The following FSTL4 variants were observed in gnomAD, a reference collection of about 807,000 sequenced individuals.
FSTL4 encodes follistatin-related protein 4.
In FSTL4, 28 loss-of-function variants were observed where a neutral mutation model predicts 78.2. The observed-to-expected ratio is 0.36, with a 90% CI of 0.27 to 0.49. The LOEUF (loss-of-function observed/expected upper bound fraction) is 0.49, where lower values mean the gene tolerates loss of function less well. FSTL4 is among the 20% of genes least tolerant of loss of function. FSTL4 has a pLI of 0.98. For missense variants in FSTL4, 922 were observed against 1,084.9 expected, an observed-to-expected ratio of 0.85 and a Z score of 2.11; for synonymous variants, 422 against 440.5, an observed-to-expected ratio of 0.96 and a Z score of 0.53.
intron 3 of FSTL4, among the ~76,000 whole-genome samples, chr5:133,495,246 GGGCT>G: frequency 1.3e-5 from 2 of 152,302 alleles, no homozygotes; most frequent in South Asian, 4.1e-4. Context: ...CTGCGGGGAA[GGGCT>G]GGGTGGATAA....
At chr5:133,623,592 A>G in the FSTL4 span, among the ~76,000 whole-genome samples, 3 of 152,084 alleles carry the variant, frequency 2.0e-5, no homozygotes, top group South Asian at 2.1e-4. Context: ...GGATTTGGCA[A>G]TGTATCCTTA....
Position 133,398,884 on chromosome 5 carries a change from C to T in FSTL4, c.409+1854G>A, listed in dbSNP as rs998923656. ...GAGGAGCACTGCTATACCAAGTGGGCGGCAACTCACAATGTGTGAAAACCT... is the reference window on the plus strand; with the variant it reads ...GAGGAGCACTGCTATACCAAGTGGGTGGCAACTCACAATGTGTGAAAACCT... On this transcript the variant is annotated intron_variant, in intron 4 of 15. Coordinates refer to ENST00000265342, the MANE Select transcript of FSTL4 (RefSeq NM_015082.2). 3.9e-5 allele frequency among the ~76,000 whole-genome samples: 6 copies of T among 152,156 alleles called. No individual in the cohort carries two copies. The East Asian group carries it at 5.8e-4, about 15-fold the overall frequency.
At chr5:133,251,167 T>C (rs1752221217) in intron 6 of FSTL4, among the ~76,000 whole-genome samples, 1 of 152,226 alleles carries the variant, frequency 6.6e-6, no homozygotes, top group South Asian at 2.1e-4. Context: ...GCACTAACTC[T>C]GTAGCATGAC....
chr5:133,830,942 G>T, the FSTL4 span, among the ~76,000 whole-genome samples: 38 of 152,256 alleles, frequency 2.5e-4, no homozygotes, highest in East Asian at 3.5e-3. Context: ...CATCTGTAAA[G>T]GGCATCCAGG....
At chr5:133,203,661 G>A (rs1285019466) in intron 14 of FSTL4, among the ~76,000 whole-genome samples, 3 of 152,194 alleles carry the variant, frequency 2.0e-5, no homozygotes, top group African/African-American at 7.2e-5. Flanking sequence ...AAATATCAGC[G>A]TTAGGAAACT....
the FSTL4 span, among the ~76,000 whole-genome samples, chr5:133,822,303 C>CT: frequency 7.7e-4 from 117 of 152,184 alleles, no homozygotes; most frequent in African/African-American, 2.7e-3. Flanking sequence ...TTAAGTTAGC[C>CT]TTTTGAGACC....
intron 6 of FSTL4, among the ~76,000 whole-genome samples, chr5:133,292,282 A>G (rs61283294): frequency 0.24 from 37,096 of 152,106 alleles, 5,091 homozygotes; most frequent in East Asian, 0.48. Context: ...GGGCTGCACT[A>G]GCCTCTGGGT....
chr5:133,723,406 T>C, the FSTL4 span, among the ~76,000 whole-genome samples: 1 of 152,082 alleles, frequency 6.6e-6, no homozygotes. Context: ...GCTTGGCCTT[T>C]GGGGGATGAG....
At chr5:133,692,686 G>T in the FSTL4 span, among the ~76,000 whole-genome samples, 5 of 152,226 alleles carry the variant, frequency 3.3e-5, no homozygotes, top group African/African-American at 1.2e-4. Flanking sequence ...CACAGGAGAT[G>T]TGAGAGGAAG....
chr5:133,512,423 G>C (rs1758754139), intron 3 of FSTL4, among the ~76,000 whole-genome samples: 1 of 152,200 alleles, frequency 6.6e-6, no homozygotes, highest in Non-Finnish European at 1.5e-5. Context: ...AAATAGATTG[G>C]AGATTTGGAG....
intron 4 of FSTL4, among the ~76,000 whole-genome samples, chr5:133,340,582 C>G (rs183725486): frequency 2.6e-5 from 4 of 152,300 alleles, no homozygotes; most frequent in African/African-American, 9.6e-5. Flanking sequence ...TCCCACGTCA[C>G]ATTTCCTGGT....
the FSTL4 span, among the ~76,000 whole-genome samples, chr5:133,736,287 CA>C: frequency 6.6e-6 from 1 of 152,176 alleles, no homozygotes; most frequent in Non-Finnish European, 1.5e-5. Context: ...TTTTCAAGTC[CA>C]GGATACCAGT....
intron 2 of FSTL4, among the ~76,000 whole-genome samples, chr5:133,569,043 T>G (rs1760092273): frequency 6.6e-6 from 1 of 152,194 alleles, no homozygotes; most frequent in Non-Finnish European, 1.5e-5. Context: ...TGGGATGTTC[T>G]CTTATTATTT....
chr5:133,804,708 G>C, the FSTL4 span, among the ~76,000 whole-genome samples: 3 of 152,084 alleles, frequency 2.0e-5, no homozygotes, highest in Non-Finnish European at 4.4e-5. Flanking sequence ...CACATGTTGG[G>C]CCGAGGCAGG....
At chr5:133,495,472 G>A (rs1758350936) in intron 3 of FSTL4, among the ~76,000 whole-genome samples, 1 of 152,228 alleles carries the variant, frequency 6.6e-6, no homozygotes, top group Admixed American at 6.5e-5. Flanking sequence ...CCAAATAACT[G>A]AGCTTAAGGC....
chr5:133,204,358 G>T (rs1750424734), intron 14 of FSTL4, among the ~76,000 whole-genome samples: 2 of 152,182 alleles, frequency 1.3e-5, no homozygotes, highest in African/African-American at 4.8e-5. Flanking sequence ...ATCCTTCAGT[G>T]TTGGATATTT....
At chr5:133,622,873 G>A in the FSTL4 span, among the ~76,000 whole-genome samples, 2 of 152,138 alleles carry the variant, frequency 1.3e-5, no homozygotes, top group East Asian at 1.9e-4. Flanking sequence ...ATCACTTAAC[G>A]GGTCTTCTGC....
intron 4 of FSTL4, among the ~76,000 whole-genome samples, chr5:133,399,599 T>C (rs1457972330): frequency 1.3e-5 from 2 of 152,202 alleles, no homozygotes; most frequent in Non-Finnish European, 2.9e-5. Flanking sequence ...GTCAGCATCA[T>C]ACCATCCTCA....
At chr5:133,446,114 G>A (rs1757259482) in intron 3 of FSTL4, among the ~76,000 whole-genome samples, 1 of 152,110 alleles carries the variant, frequency 6.6e-6, no homozygotes, top group Non-Finnish European at 1.5e-5. Flanking sequence ...CTATTTGGGG[G>A]CAGCCAGAGC....
Sources: allele counts gnomAD v4.1 joint callset (sites outside exome capture counted in the v4.1 genomes callset), GRCh38; gene constraint gnomAD v4.1.1; transcripts MANE v1.5; gene names NCBI Gene and HGNC (gene_info 2026-07-23, HGNC 2026-07-21).